The following ZFHX3 variants were observed in gnomAD, a reference collection of about 807,000 sequenced individuals.
ZFHX3 encodes zinc finger homeobox protein 3.
Under a neutral mutation model 279.1 loss-of-function variants are expected in ZFHX3, and 42 were observed. The ratio of observed to expected loss-of-function variants is 0.15; its 90% CI spans 0.12 to 0.19. ZFHX3 has a LOEUF of 0.19. Ranked by LOEUF, ZFHX3 falls within the 10% of genes least tolerant of loss-of-function variation. The pLI, the probability that ZFHX3 is intolerant of heterozygous loss-of-function variation, is 1.00. For missense variants in ZFHX3, 4,981 were observed against 4,754.0 expected, an observed-to-expected ratio of 1.05 and a Z score of -1.40; for synonymous variants, 2,293 against 1,957.8, an observed-to-expected ratio of 1.17 and a Z score of -4.52.
chr16:72,985,607 A>T (rs1418321660), intron 1 of ZFHX3, among the ~76,000 whole-genome samples: 1 of 152,168 alleles, frequency 6.6e-6, no homozygotes, highest in African/African-American at 2.4e-5. Context: ...CCACTGCTAT[A>T]ATTGTTTTAA....
At chr16:73,726,896 C>T (rs2053523420) in intron 1 of ZFHX3, among the ~76,000 whole-genome samples, 1 of 152,202 alleles carries the variant, frequency 6.6e-6, no homozygotes, top group African/African-American at 2.4e-5. Flanking sequence ...GGTCTCTACC[C>T]ATTAGATTCC....
At chr16:73,023,039 C>G (rs1427488146) in intron 1 of ZFHX3, among the ~76,000 whole-genome samples, 2 of 152,124 alleles carry the variant, frequency 1.3e-5, no homozygotes, top group Non-Finnish European at 2.9e-5. Flanking sequence ...GCCAACCTGG[C>G]CAACATGGCA....
intron 1 of ZFHX3, among the ~76,000 whole-genome samples, chr16:73,866,505 A>C (rs1403313226): frequency 6.6e-6 from 1 of 151,914 alleles, no homozygotes; most frequent in African/African-American, 2.4e-5. Flanking sequence ...CGTCACTCCC[A>C]CTTCTCCTGA....
chr16:73,460,140 C>G (rs989679924), intron 2 of ZFHX3, among the ~76,000 whole-genome samples: 1 of 152,196 alleles, frequency 6.6e-6, no homozygotes, highest in African/African-American at 2.4e-5. Context: ...TCTCCTTAAC[C>G]CTTGGCAACT....
chr16:72,923,491 T>C (rs952648115), intron 3 of ZFHX3, among the ~76,000 whole-genome samples: 1 of 151,742 alleles, frequency 6.6e-6, no homozygotes, highest in African/African-American at 2.4e-5. Flanking sequence ...ATATATGCCT[T>C]GTATCCTTGA....
chr16:73,710,668 G>A (rs573492529), intron 1 of ZFHX3, among the ~76,000 whole-genome samples: 3 of 152,254 alleles, frequency 2.0e-5, no homozygotes, highest in South Asian at 2.1e-4. Flanking sequence ...AGCAGGATCC[G>A]CCAGCACCTG....
At chr16:73,246,251 C>G (rs1338220580) in intron 5 of ZFHX3, among the ~76,000 whole-genome samples, 1 of 152,072 alleles carries the variant, frequency 6.6e-6, no homozygotes, top group East Asian at 1.9e-4. Flanking sequence ...TCCTGAACAC[C>G]AAGCATGGCT....
chr16:72,877,016 T>C (rs1597336670), intron 4 of ZFHX3, among the ~76,000 whole-genome samples: 1 of 152,206 alleles, frequency 6.6e-6, no homozygotes, highest in African/African-American at 2.4e-5. Context: ...AATAATGCCT[T>C]ACAGGAATGA....
At chr16:73,817,342 G>T (rs780182914) in intron 1 of ZFHX3, among the ~76,000 whole-genome samples, 2 of 152,086 alleles carry the variant, frequency 1.3e-5, no homozygotes, top group Non-Finnish European at 2.9e-5. Context: ...TCTGGAGAGG[G>T]CGAAAAGCAG....
Position 72,959,944 on chromosome 16 carries a change from C to T in ZFHX3, c.202G>A (p.Ala68Thr), listed in dbSNP as rs750757698. The change falls in exon 2 of 10, where the codon GCC becomes ACC. Residue 68 changes from alanine to threonine, a missense_variant. Ala to Thr is a moderately conservative substitution (Grantham distance 58). Around this residue, in one of 7 missense-constraint regions of ZFHX3, gnomAD observed 1,068 missense variants for 935.2 expected, o/e 1.14. Transcript: ENST00000268489. The stretch of plus-strand genomic sequence containing the variant: ...CTGGCGGGCTCGGAGGGGGGCCCGG[C>T]CGACGCGGTGCTCTCCGCGAGGCGC... The part of the protein sequence containing the change: ...NERLAESTAS[A>T]GPPSEPASKE... The T allele has an allele frequency of 1.2e-5, 19 of 1,599,934 alleles. No individual in the cohort carries two copies. The highest frequency in any genetic ancestry group is 1.6e-5 in the Non-Finnish European group (19 of 1,173,234).
chr16:73,361,599 T>A (rs183892944), intron 3 of ZFHX3, among the ~76,000 whole-genome samples: 357 of 152,338 alleles, frequency 2.3e-3, no homozygotes, highest in African/African-American at 7.9e-3. Context: ...TCTTCATTTT[T>A]AAAAAATAGA....
intron 1 of ZFHX3, among the ~76,000 whole-genome samples, chr16:73,701,072 A>G (rs1357361957): frequency 1.3e-5 from 2 of 152,202 alleles, no homozygotes; most frequent in Non-Finnish European, 2.9e-5. Context: ...GTGTGTTCAT[A>G]TAGATCAGAT....
chr16:73,426,118 C>T (rs913681192), intron 3 of ZFHX3, among the ~76,000 whole-genome samples: 5 of 152,270 alleles, frequency 3.3e-5, no homozygotes, highest in South Asian at 2.1e-4. Flanking sequence ...TGCACTGGGC[C>T]GCCCATGAGC....
intron 3 of ZFHX3, among the ~76,000 whole-genome samples, chr16:72,903,224 G>A (rs187336278): frequency 6.6e-6 from 1 of 152,210 alleles, no homozygotes; most frequent in East Asian, 1.9e-4. Context: ...CAAGAATCCA[G>A]CAGTTCCTTT....
chr16:72,909,542 C>T (rs1174946595), intron 3 of ZFHX3, among the ~76,000 whole-genome samples: 1 of 152,080 alleles, frequency 6.6e-6, no homozygotes, highest in Admixed American at 6.6e-5. Flanking sequence ...CTCTTAAACA[C>T]ACTCTTTGAT....
At chr16:73,014,857 T>C (rs1053003186) in intron 1 of ZFHX3, among the ~76,000 whole-genome samples, 3 of 151,886 alleles carry the variant, frequency 2.0e-5, no homozygotes, top group Non-Finnish European at 4.4e-5. Flanking sequence ...AGTATAGCCA[T>C]CTGGAGAAAG....
chr16:72,821,658 T>C (rs1238590095), intron 5 of ZFHX3, among the ~76,000 whole-genome samples: 1 of 152,212 alleles, frequency 6.6e-6, no homozygotes, highest in Non-Finnish European at 1.5e-5. Flanking sequence ...CTGGTCACAG[T>C]TGGTTCACAT....
intron 7 of ZFHX3, among the ~76,000 whole-genome samples, chr16:73,107,704 A>C (rs982985873): frequency 6.6e-6 from 1 of 152,192 alleles, no homozygotes; most frequent in Non-Finnish European, 1.5e-5. Context: ...CCAAGCACCT[A>C]GCACAGGTTT....
chr16:73,494,531 A>T (rs1201048903), intron 2 of ZFHX3, among the ~76,000 whole-genome samples: 1 of 152,006 alleles, frequency 6.6e-6, no homozygotes, highest in Non-Finnish European at 1.5e-5. Context: ...GTGTATATTA[A>T]AACTCCCCAA....
Sources: gnomAD v4.1 joint callset for allele counts (sites outside exome capture counted in the v4.1 genomes callset) on GRCh38, gnomAD v4.1.1 for gene constraint, gnomAD v4.1.1 regional missense constraint, MANE v1.5 for transcripts, NCBI Gene and HGNC (gene_info 2026-07-23, HGNC 2026-07-21) for gene names.